The following PDSS1 variants were observed in gnomAD, a reference collection of about 807,000 sequenced individuals.
PDSS1 encodes all trans-polyprenyl-diphosphate synthase PDSS1.
A neutral mutation model predicts 57.5 loss-of-function variants in PDSS1; 43 were observed. That is an observed-to-expected ratio of 0.75 (90% CI 0.59 to 0.96). PDSS1 has a LOEUF of 0.96. Ranked by LOEUF, PDSS1 falls within the 50% of genes least tolerant of loss-of-function variation. PDSS1 has a pLI of 0.00. For synonymous variants in PDSS1, 175 were observed against 191.3 expected, an observed-to-expected ratio of 0.91 and a Z score of 0.70; for missense variants, 438 against 527.8, an observed-to-expected ratio of 0.83 and a Z score of 1.67.
intron 10 of PDSS1, among the ~76,000 whole-genome samples, chr10:26,735,891 A>T (rs1836381428): frequency 1.3e-5 from 2 of 152,186 alleles, no homozygotes; most frequent in Non-Finnish European, 2.9e-5. Flanking sequence ...TAGCATCGTG[A>T]TTATTTCCAT....
chr10:26,734,546 T>A (rs1387328173), intron 8 of PDSS1: 1 of 380,338 alleles, frequency 2.6e-6, no homozygotes, highest in Non-Finnish European at 5.2e-6. Context: ...GTCTTATTTC[T>A]CCCCCATTGA....
intron 1 of PDSS1, among the ~76,000 whole-genome samples, chr10:26,698,484 A>G (rs1035721597): frequency 6.6e-6 from 1 of 152,092 alleles, no homozygotes; most frequent in African/African-American, 2.4e-5. Flanking sequence ...TCAGAATCTC[A>G]GCGATAGCCC....
At chr10:26,722,420 T>G (rs527629150) in intron 6 of PDSS1, among the ~76,000 whole-genome samples, 1 of 152,238 alleles carries the variant, frequency 6.6e-6, no homozygotes, top group African/African-American at 2.4e-5. Context: ...ATGTAACACT[T>G]ACGGCTGGGT....
At chr10:26,720,132 T>C in intron 5 of PDSS1, 86 bp from the exon 6 acceptor site, 4 of 1,590,276 alleles carry the variant, frequency 2.5e-6, no homozygotes, top group African/African-American at 1.3e-5. Flanking sequence ...TTCTTTATCC[T>C]AGATCCGATG....
Position 26,746,321 on chromosome 10 carries a change from T to C in PDSS1, c.1108-12T>C. The C allele has an allele frequency of 6.2e-7, 1 of 1,614,008 alleles. No individual in the cohort carries two copies. On this transcript the variant is annotated splice_polypyrimidine_tract_variant and intron_variant, in intron 11 of 11. Transcript: ENST00000376215. The stretch of plus-strand genomic sequence containing the variant: ...GACAGGCATCTGTTCTGTTTTGTTC[T>C]GTATCTTATAGAGTGATGGTGTGCA...
intron 8 of PDSS1, among the ~76,000 whole-genome samples, chr10:26,726,991 G>C (rs1223262266): frequency 1.3e-5 from 2 of 151,836 alleles, no homozygotes; most frequent in Non-Finnish European, 2.9e-5. Flanking sequence ...GAACCCGGGA[G>C]GTGGAGGTTG....
At chr10:26,738,550 A>G (rs565305212) in intron 10 of PDSS1, among the ~76,000 whole-genome samples, 46 of 152,316 alleles carry the variant, frequency 3.0e-4, no homozygotes, top group African/African-American at 1.1e-3. Flanking sequence ...TGTCTTTGCT[A>G]TTGTAAACAA....
chr10:26,734,171 C>T (rs1245280151), intron 8 of PDSS1, among the ~76,000 whole-genome samples: 1 of 152,198 alleles, frequency 6.6e-6, no homozygotes, highest in Non-Finnish European at 1.5e-5. Context: ...AAATGCAGCC[C>T]CACAGTCTCA....
intron 5 of PDSS1, among the ~76,000 whole-genome samples, chr10:26,718,370 A>G (rs368413793): frequency 6.6e-6 from 1 of 152,022 alleles, no homozygotes. Flanking sequence ...TTTATATGCT[A>G]ATTTGTCCCT....
At chr10:26,744,896 G>A (rs1180863126) in intron 11 of PDSS1, among the ~76,000 whole-genome samples, 1 of 152,060 alleles carries the variant, frequency 6.6e-6, no homozygotes, top group Non-Finnish European at 1.5e-5. Context: ...GGGCGCAGTG[G>A]CTCACACCTG....
chr10:26,698,408 G>A (rs1052432488), intron 1 of PDSS1, among the ~76,000 whole-genome samples: 10 of 152,182 alleles, frequency 6.6e-5, no homozygotes, highest in African/African-American at 2.4e-4. Context: ...GATGGGGCTG[G>A]AATGACACTG....
intron 8 of PDSS1, among the ~76,000 whole-genome samples, chr10:26,730,215 T>C (rs1836131577): frequency 6.6e-6 from 1 of 151,726 alleles, no homozygotes; most frequent in African/African-American, 2.4e-5. Context: ...CCCAGCCTAG[T>C]TGGATTCATT....
intron 8 of PDSS1, among the ~76,000 whole-genome samples, chr10:26,727,110 A>G (rs1211030290): frequency 6.6e-6 from 1 of 152,026 alleles, no homozygotes; most frequent in African/African-American, 2.4e-5. Flanking sequence ...AAGATGACTT[A>G]TTTATTTACA....
intron 8 of PDSS1, among the ~76,000 whole-genome samples, chr10:26,730,865 C>T (rs1403391688): frequency 6.6e-6 from 1 of 152,120 alleles, no homozygotes; most frequent in Non-Finnish European, 1.5e-5. Context: ...TGCATTTCTT[C>T]AGTTAACAAT....
intron 10 of PDSS1, among the ~76,000 whole-genome samples, chr10:26,740,141 CA>C (rs57093244): frequency 0.19 from 18,817 of 98,356 alleles, 1,416 homozygotes; most frequent in East Asian, 0.49. Flanking sequence ...AACTCCATCT[CA>C]AAAAAAAAAA....
chr10:26,704,110 A>G (rs1400052704), intron 2 of PDSS1, among the ~76,000 whole-genome samples: 1 of 150,266 alleles, frequency 6.7e-6, no homozygotes. Flanking sequence ...AAATATGGCT[A>G]GAGCAATACA....
chr10:26,710,380 G>A lies in PDSS1; in HGVS notation c.467+612G>A, dbSNP rs541101705. Among the ~76,000 whole-genome samples, 101 of 91,712 alleles carry A rather than the reference G, an allele frequency of 1.1e-3. 25 individuals carry two copies. Among genetic ancestry groups the A allele is most frequent in the African/African-American group, 3.5e-3 (101 of 28,478 alleles). The allele number at this position is 91,712 out of a possible 152,430, so 60.2% of individuals were successfully genotyped here. On this transcript the variant is annotated intron_variant, in intron 5 of 11. Coordinates refer to ENST00000376215, the MANE Select transcript of PDSS1 (RefSeq NM_014317.5). ...CCTGCCTCAGCCTCCCAAGTAGCTGGGACTACAGGCGCCTGCCACTGTGCC... is the reference window on the plus strand; with the variant it reads ...CCTGCCTCAGCCTCCCAAGTAGCTGAGACTACAGGCGCCTGCCACTGTGCC...
In PDSS1 at chr10:26,705,532, G is replaced by A. The variant is rs557910569; in HGVS notation, c.336+138G>A. 481 of 381,364 alleles carry A rather than the reference G, an allele frequency of 1.3e-3. 3 individuals carry two copies. Among genetic ancestry groups the A allele is most frequent in the African/African-American group, 9.8e-3 (450 of 45,872 alleles). 23.6% of individuals were successfully genotyped at this position (381,364 alleles called of 1,614,324 possible). ...TCTGTTGCCCAGGCTTGAGTGCAGCGGTGCAATCTAAGCTCACTGCAACCC... is the reference window on the plus strand; with the variant it reads ...TCTGTTGCCCAGGCTTGAGTGCAGCAGTGCAATCTAAGCTCACTGCAACCC... On this transcript the variant is annotated intron_variant, in intron 4 of 11. Transcript: ENST00000376215.
At chr10:26,713,470 A>C (rs1011385192) in intron 5 of PDSS1, among the ~76,000 whole-genome samples, 13 of 152,178 alleles carry the variant, frequency 8.5e-5, no homozygotes, top group Admixed American at 1.3e-4. Flanking sequence ...GTTCCCTACT[A>C]GATTACGGGG....
Sources: allele counts gnomAD v4.1 joint callset (sites outside exome capture counted in the v4.1 genomes callset), GRCh38; gene constraint gnomAD v4.1.1; transcripts MANE v1.5; gene names NCBI Gene and HGNC (gene_info 2026-07-23, HGNC 2026-07-21).